HEPN1: variants seen among roughly 807,000 people sequenced by gnomAD.
HEPN1 encodes protein HEPN1.
For synonymous variants in HEPN1, 46 were observed against 41.2 expected, an observed-to-expected ratio of 1.12 and a Z score of -0.45; for missense variants, 97 against 103.3, an observed-to-expected ratio of 0.94 and a Z score of 0.26.
In HEPN1 at chr11:124,920,308, G is replaced by A. The variant is rs367649640; in HGVS notation, c.*291G>A. On this transcript the variant is annotated 3_prime_UTR_variant, in exon 1 of 1. Transcript: ENST00000408930. ...CAGTTCCTCATTTGGTCTAGTTTTC[G>A]GGCCAGGGGAGTAAGTGAAATTCAC... The A allele has an allele frequency of 4.6e-6, 6 of 1,296,544 alleles. No individual in the cohort carries two copies. The African/African-American group carries it at 6.0e-5, about 13-fold the overall frequency. The allele number at this position is 1,296,544 out of a possible 1,614,324, so 80.3% of individuals were successfully genotyped here.
At chr11:124,920,602 G>A (rs1468557627) in exon 1 of HEPN1, 2 of 1,076,580 alleles carry the variant, frequency 1.9e-6, no homozygotes, top group South Asian at 2.9e-5. Flanking sequence ...TGCACACCCA[G>A]TAACCGGCAT....
chr11:124,920,391 T>A lies in HEPN1; in HGVS notation c.*374T>A, dbSNP rs1947111283. 5 of 1,547,734 alleles carry A rather than the reference T, an allele frequency of 3.2e-6. No individual in the cohort carries two copies. The East Asian group carries it at 1.2e-4, about 38-fold the overall frequency. ...TATTCATGAACAGAGACAGAAAGAGTGCTTGGCATGGCATGCCTCCGAGGG... is the reference window on the plus strand; with the variant it reads ...TATTCATGAACAGAGACAGAAAGAGAGCTTGGCATGGCATGCCTCCGAGGG... On this transcript the variant is annotated 3_prime_UTR_variant, in exon 1 of 1. Transcript: ENST00000408930.
rs1947101116 is a variant in HEPN1 at position 124,919,903 on chromosome 11, C to T, written c.153C>T (p.Ala51=). 3.1e-6 allele frequency: 5 copies of T among 1,614,104 alleles called. No individual in the cohort carries two copies. The highest frequency in any genetic ancestry group is 4.2e-6 in the Non-Finnish European group (5 of 1,180,032). The change falls in exon 1 of 1, where the codon GCC becomes GCT. Residue 51 remains alanine (A), a synonymous_variant. Transcript: ENST00000408930. ...CCTTCTCTTTCAGCTTTTTAATTGCCCTCTCTCCTCACACAGTAGATTACT... is the reference window on the plus strand; with the variant it reads ...CCTTCTCTTTCAGCTTTTTAATTGCTCTCTCTCCTCACACAGTAGATTACT...
At position 124,920,145 on chromosome 11, in the gene HEPN1, C is replaced by T. The variant is rs960559032; in HGVS notation, c.*128C>T. On this transcript the variant is annotated 3_prime_UTR_variant, in exon 1 of 1. Coordinates refer to ENST00000408930, the Ensembl canonical transcript of HEPN1. ...CTGGGAAGCAATAAGCCTCCTCCTC[C>T]CCCCACCATTTCTCTGGAGATTAGG... 19 of 1,084,848 alleles carry T rather than the reference C, an allele frequency of 1.8e-5. 1 individual carries two copies. The South Asian group carries it at 2.3e-4, about 13-fold the overall frequency. The allele number at this position is 1,084,848 out of a possible 1,614,324, so 67.2% of individuals were successfully genotyped here.
At chr11:124,920,299 C>T in exon 1 of HEPN1, 1 of 1,212,278 alleles carries the variant, frequency 8.2e-7, no homozygotes, top group East Asian at 2.6e-5. Flanking sequence ...CTCATTTGGT[C>T]TAGTTTTCGG....
downstream of HEPN1, chr11:124,920,677 G>GAAAAAAAAAAA (rs1565336612): frequency 3.7e-5 from 4 of 108,138 alleles, no homozygotes; most frequent in African/African-American, 6.7e-4. Context: ...ATCTGAACTT[G>GAAAAAAAAAAA]CAAAAAAAAA....
exon 1 of HEPN1, chr11:124,920,229 A>C: frequency 1.1e-6 from 1 of 877,784 alleles, no homozygotes; most frequent in Non-Finnish European, 1.7e-6. Flanking sequence ...GATTGTTTGA[A>C]AGGCTTGTTT....
exon 1 of HEPN1, chr11:124,919,754 G>A: frequency 1.9e-6 from 3 of 1,613,616 alleles, no homozygotes; most frequent in Non-Finnish European, 2.5e-6. Flanking sequence ...GGAGGTGATG[G>A]GTAACTGGGG....
Position 124,919,450 on chromosome 11 carries a change from C to A in HEPN1, c.-301C>A. On this transcript the variant is annotated 5_prime_UTR_variant, in exon 1 of 1. An upstream open reading frame in the 5' UTR gains an earlier in-frame stop. Transcript: ENST00000408930. ...TCAGCACCAGGGTATGGCATGTTCT[C>A]ATCTCACCCTAACCTTCACCTGTGC... 1 of 405,530 alleles carries A rather than the reference C, an allele frequency of 2.5e-6. No homozygotes were observed. The highest frequency in any genetic ancestry group is 4.5e-6 in the Non-Finnish European group (1 of 223,092). The allele number at this position is 405,530 out of a possible 1,614,324, so 25.1% of individuals were successfully genotyped here.
exon 1 of HEPN1, chr11:124,919,572 G>T (rs1410002333): frequency 1.6e-6 from 1 of 641,386 alleles, no homozygotes; most frequent in Non-Finnish European, 2.7e-6. Context: ...TCTCATTATG[G>T]ATGAGGCACC....
chr11:124,920,340 A>T, exon 1 of HEPN1: 1 of 1,484,772 alleles, frequency 6.7e-7, no homozygotes, highest in Non-Finnish European at 9.1e-7. Context: ...TCACTTCTCT[A>T]TAAGAATAAG....
exon 1 of HEPN1, chr11:124,920,306 T>C (rs2135394054): frequency 7.8e-7 from 1 of 1,287,296 alleles, no homozygotes; most frequent in East Asian, 2.6e-5. Flanking sequence ...GGTCTAGTTT[T>C]CGGGCCAGGG....
chr11:124,920,409 T>A, exon 1 of HEPN1: 1 of 1,548,478 alleles, frequency 6.5e-7, no homozygotes, highest in African/African-American at 1.4e-5. Context: ...ATGGCATGCC[T>A]CCGAGGGAGG....
exon 1 of HEPN1, chr11:124,920,539 G>T (rs973130772): frequency 7.1e-7 from 1 of 1,409,488 alleles, no homozygotes; most frequent in Non-Finnish European, 9.4e-7. Context: ...CCAGGTACCA[G>T]GTGCCCAGGG....
At chr11:124,919,497 T>G (rs1024725774) in exon 1 of HEPN1, 2 of 539,438 alleles carry the variant, frequency 3.7e-6, no homozygotes, top group African/African-American at 3.8e-5. Flanking sequence ...GACCAGCAGG[T>G]ACTCCTTATC....
exon 1 of HEPN1, chr11:124,920,545 C>T: frequency 7.2e-7 from 1 of 1,393,002 alleles, no homozygotes; most frequent in African/African-American, 1.4e-5. Context: ...ACCAGGTGCC[C>T]AGGGAAGAAG....
chr11:124,920,497 C>T (rs1410827481), exon 1 of HEPN1: 3 of 1,504,400 alleles, frequency 2.0e-6, no homozygotes, highest in Admixed American at 4.2e-5. Context: ...AAGGAATGTA[C>T]TCGTACCCTT....
exon 1 of HEPN1, chr11:124,919,695 A>C: frequency 6.3e-7 from 1 of 1,590,148 alleles, no homozygotes; most frequent in Admixed American, 1.7e-5. Context: ...GAGGGGGCAA[A>C]CTAGAAATGT....
chr11:124,920,575 C>T (rs1316472840), exon 1 of HEPN1: 8 of 1,283,584 alleles, frequency 6.2e-6, no homozygotes, highest in African/African-American at 6.1e-5. Context: ...ATGATCCCCC[C>T]AGCTCAGAAC....
Sources: gnomAD v4.1 joint callset for allele counts on GRCh38, gnomAD v4.1.1 for gene constraint, MANE v1.5 for transcripts, NCBI Gene and HGNC (gene_info 2026-07-23, HGNC 2026-07-21) for gene names.